HADH: variants seen among roughly 807,000 people sequenced by gnomAD.
The protein encoded by HADH is hydroxyacyl-coenzyme A dehydrogenase, mitochondrial.
Under a neutral mutation model 32.2 loss-of-function variants are expected in HADH, and 24 were observed. That is an observed-to-expected ratio of 0.75 (90% CI 0.54 to 1.05). The LOEUF (loss-of-function observed/expected upper bound fraction) is 1.05. HADH is among the 50% of genes least tolerant of loss of function. The pLI is 0.00. For synonymous variants in HADH, 139 were observed against 152.5 expected (o/e 0.91, Z 0.65); for missense variants, 350 against 397.1 (o/e 0.88, Z 1.01).
At chr4:108,014,792 C>T (rs545939560) in intron 3 of HADH, among the ~76,000 whole-genome samples, 1 of 152,236 alleles carries the variant, frequency 6.6e-6, no homozygotes, top group Middle Eastern at 3.4e-3. Context: ...TTTCAACCCT[C>T]GCCACCCTCC....
At position 108,034,883 on chromosome 4, in the gene HADH, T is replaced by TACAC; in HGVS notation, c.*526_*527insACAC. On this transcript the variant is annotated 3_prime_UTR_variant, in exon 8 of 8. Coordinates refer to ENST00000309522, the MANE Select transcript of HADH (RefSeq NM_005327.7). ...TTTTGGGCATGACATAAGATGTGTC[T>TACAC]TTATTCAGCTCGTCGTGAAGATGCT... is the stretch of plus-strand genomic sequence containing the variant. 3 of 217,542 alleles carry TACAC rather than the reference T, an allele frequency of 1.4e-5. No homozygotes were observed. Among genetic ancestry groups the TACAC allele is most frequent in the Middle Eastern group, 2.0e-3 (1 of 504 alleles). The allele number at this position is 217,542 out of a possible 1,614,324, so 13.5% of individuals were successfully genotyped here. A position where few individuals can be genotyped will look rare whatever the true frequency, so the allele number is the denominator to read the frequency against.
At chr4:108,004,647 T>G in intron 1 of HADH, 1 of 1,514,076 alleles carries the variant, frequency 6.6e-7, no homozygotes, top group African/African-American at 1.4e-5. Context: ...AACCATGAAC[T>G]TCCATATCTG....
intron 2 of HADH, among the ~76,000 whole-genome samples, chr4:108,013,748 T>C (rs1459435592): frequency 6.6e-6 from 1 of 152,172 alleles, no homozygotes; most frequent in Non-Finnish European, 1.5e-5. Flanking sequence ...TCAATATTTT[T>C]AAATATTGAG....
At chr4:108,019,795 C>T in intron 4 of HADH, 129 bp downstream of exon 4, 1 of 1,016,682 alleles carries the variant, frequency 9.8e-7, no homozygotes, top group South Asian at 1.3e-5. Flanking sequence ...AAGGTTGTCC[C>T]TGAGCCTCAT....
intron 1 of HADH, among the ~76,000 whole-genome samples, chr4:107,992,153 A>C (rs1734834773): frequency 6.6e-6 from 1 of 152,224 alleles, no homozygotes; most frequent in South Asian, 2.1e-4. Context: ...CTTGTCAATC[A>C]AACTCTTAAA....
At chr4:108,030,379 A>G (rs1036437043) in intron 6 of HADH, 3 of 152,428 alleles carry the variant, frequency 2.0e-5, no homozygotes, top group South Asian at 2.1e-4. Flanking sequence ...TTCCCTTACT[A>G]TACTCTCTTT....
chr4:107,992,495 G>T (rs914152783), intron 1 of HADH, among the ~76,000 whole-genome samples: 1 of 152,158 alleles, frequency 6.6e-6, no homozygotes, highest in Admixed American at 6.5e-5. Context: ...TTTGGCATAG[G>T]GTAAATCTGT....
At chr4:108,023,330 C>T in intron 4 of HADH, 144 bp from the exon 5 acceptor site, 1 of 648,232 alleles carries the variant, frequency 1.5e-6, no homozygotes, top group Non-Finnish European at 2.8e-6. Context: ...TACATTGTTT[C>T]TGGCTTGAGA....
intron 6 of HADH, chr4:108,032,703 C>G (rs1221994930): frequency 3.0e-6 from 1 of 332,840 alleles, no homozygotes; most frequent in Non-Finnish European, 5.6e-6. Context: ...AAATCTTGGG[C>G]CACACACTGT....
At chr4:108,005,239 G>A (rs1735257040) in intron 1 of HADH, 1 of 200,500 alleles carries the variant, frequency 5.0e-6, no homozygotes, top group East Asian at 1.2e-4. Context: ...ATTAATACAA[G>A]TGTATTCTGG....
intron 1 of HADH, among the ~76,000 whole-genome samples, chr4:108,001,311 G>A (rs1054330045): frequency 1.3e-5 from 2 of 152,202 alleles, no homozygotes; most frequent in African/African-American, 2.4e-5. Flanking sequence ...GGCACAGTTG[G>A]AAGTATGAGA....
intron 4 of HADH, among the ~76,000 whole-genome samples, chr4:108,022,800 T>C (rs1735937539): frequency 6.6e-6 from 1 of 152,202 alleles, no homozygotes; most frequent in African/African-American, 2.4e-5. Flanking sequence ...CTCAACTTCC[T>C]GAGGTGAACA....
rs753951623 is a variant in HADH, at chr4:107,994,470, A to G, written c.132+4406A>G. Reference sequence around the variant, plus strand: ...CAAATCTGCATTTTCTGATGCTGAAAAAGAGAATGATCAGAGTTGTTTCAT... The same window carrying G: ...CAAATCTGCATTTTCTGATGCTGAAGAAGAGAATGATCAGAGTTGTTTCAT... On this transcript the variant is annotated intron_variant, in intron 1 of 7. Coordinates refer to ENST00000309522, the MANE Select transcript of HADH (RefSeq NM_005327.7). 5.3e-5 allele frequency among the ~76,000 whole-genome samples: 8 copies of G among 152,194 alleles called. 1 individual carries two copies. The highest frequency in any genetic ancestry group is 1.2e-4 in the African/African-American group (5 of 41,458).
intron 5 of HADH, 49 bp downstream of exon 5, chr4:108,023,612 C>A (rs1735966293): frequency 9.8e-7 from 1 of 1,021,092 alleles, no homozygotes; most frequent in Non-Finnish European, 1.6e-6. Flanking sequence ...TCTTCTTGGA[C>A]CCTGACTTGT....
intron 2 of HADH, 144 bp downstream of exon 2, chr4:108,010,031 T>G (rs1243425196): frequency 1.2e-5 from 8 of 656,156 alleles, no homozygotes; most frequent in Non-Finnish European, 2.2e-5. Flanking sequence ...TCCATAACTT[T>G]AAACCAATAT....
At chr4:108,005,259 A>G (rs1176663700) in intron 1 of HADH, 1 of 178,648 alleles carries the variant, frequency 5.6e-6, no homozygotes, top group African/African-American at 2.4e-5. Flanking sequence ...GATGATTTGA[A>G]TGTTTCATCA....
intron 1 of HADH, 111 bp from the exon 2 acceptor site, chr4:108,009,648 A>G (rs1450517717): frequency 1.1e-5 from 9 of 829,686 alleles, no homozygotes; most frequent in South Asian, 2.8e-5. Flanking sequence ...ATGGAATGGT[A>G]GTAGAATTCA....
chr4:107,989,959 G>A lies in HADH; in HGVS notation c.27G>A (p.Met9Ile). The A allele has an allele frequency of 6.2e-7, 1 of 1,613,076 alleles. No homozygotes were observed. The highest frequency in any genetic ancestry group is 1.7e-4 in the Middle Eastern group (1 of 6,058). The change falls in exon 1 of 8, where the codon ATG becomes ATA. Residue 9 changes from methionine (M) to isoleucine (I), a missense_variant. Physicochemically the swap from Met to Ile is conservative, Grantham distance 10. Transcript: ENST00000309522. ...TGGCCTTCGTCACCAGGCAGTTCAT[G>A]CGTTCCGTGTCCTCCTCGTCCACCG... MAFVTRQF[M>I]RSVSSSSTAS...
Position 108,014,571 on chromosome 4 carries a change from G to A in HADH, c.402G>A (p.Leu134=). The change falls in exon 3 of 8, where the codon CTG becomes CTA. Residue 134 remains leucine, a synonymous_variant. Transcript: ENST00000309522. ...LKVKNELFKR[L]DKFAAEHTIF... is the part of the protein sequence containing the mutation. ...TGAAAAACGAGCTCTTCAAAAGGCT[G>A]GACAAGTTTGCTGCTGAGTATGTAA... 6.2e-7 allele frequency: 1 copy of A among 1,613,672 alleles called. No homozygotes were observed. Among genetic ancestry groups the A allele is most frequent in the Non-Finnish European group, 8.5e-7 (1 of 1,179,794 alleles).
Sources: allele counts gnomAD v4.1 joint callset (sites outside exome capture counted in the v4.1 genomes callset), GRCh38; gene constraint gnomAD v4.1.1; transcripts MANE v1.5; gene names NCBI Gene and HGNC (gene_info 2026-07-23, HGNC 2026-07-21).